The following SGCZ variants were observed in gnomAD, a reference collection of about 807,000 sequenced individuals.
SGCZ encodes sarcoglycan zeta, also known as zeta-sarcoglycan.
In SGCZ, 40 loss-of-function variants were observed where a neutral mutation model predicts 41.3. The observed-to-expected ratio is 0.97, with a 90% CI of 0.75 to 1.26. SGCZ has a LOEUF of 1.26. Among genes scored for constraint, SGCZ ranks in the 50% most tolerant of loss-of-function variants. SGCZ has a pLI of 0.00. For synonymous variants in SGCZ, 206 were observed against 137.5 expected (o/e 1.50, Z -3.49); for missense variants, 552 against 369.8 (o/e 1.49, Z -4.04).
rs186036758 is a variant in SGCZ at position 14,943,258 on chromosome 8, T to C, written c.39+294327A>G. 1.6e-4 allele frequency among the ~76,000 whole-genome samples: 24 copies of C among 152,276 alleles called. No homozygotes were observed. The East Asian group carries it at 3.3e-3, about 21-fold the overall frequency. On this transcript the variant is annotated intron_variant, in intron 1 of 7. Transcript: ENST00000382080. ...AACCAACATTCTGAAAATGCGGCTATATACTTCGAAAAAATAACAACATAA... is the reference window on the plus strand; with the variant it reads ...AACCAACATTCTGAAAATGCGGCTACATACTTCGAAAAAATAACAACATAA...
intron 1 of SGCZ, among the ~76,000 whole-genome samples, chr8:15,137,632 T>G (rs1189373854): frequency 2.0e-5 from 3 of 150,198 alleles, no homozygotes; most frequent in African/African-American, 7.4e-5. Flanking sequence ...AGTCCATGAC[T>G]TCAGAGGGTG....
chr8:15,119,062 A>T (rs1053524469), intron 1 of SGCZ, among the ~76,000 whole-genome samples: 2 of 152,204 alleles, frequency 1.3e-5, no homozygotes, highest in Non-Finnish European at 2.9e-5. Flanking sequence ...TTACAATTTG[A>T]TACTTTTTTC....
At chr8:14,121,096 G>C (rs1802682890) in intron 5 of SGCZ, among the ~76,000 whole-genome samples, 1 of 152,124 alleles carries the variant, frequency 6.6e-6, no homozygotes, top group East Asian at 1.9e-4. Context: ...TAACGGCTAA[G>C]AGAGTCCCCA....
chr8:15,031,055 A>G (rs1803641761), intron 1 of SGCZ, among the ~76,000 whole-genome samples: 1 of 152,116 alleles, frequency 6.6e-6, no homozygotes, highest in South Asian at 2.1e-4. Context: ...AGATTCTCAA[A>G]TCATATTTCG....
chr8:14,642,768 T>A (rs1435917553), intron 1 of SGCZ, among the ~76,000 whole-genome samples: 1 of 151,548 alleles, frequency 6.6e-6, no homozygotes, highest in Non-Finnish European at 1.5e-5. Context: ...AAATAAATAA[T>A]ATATATATCT....
chr8:14,888,143 T>C (rs1303294914), intron 1 of SGCZ, among the ~76,000 whole-genome samples: 1 of 152,136 alleles, frequency 6.6e-6, no homozygotes, highest in Non-Finnish European at 1.5e-5. Flanking sequence ...AAACTGAGCA[T>C]CACATACTTT....
chr8:15,186,614 G>C (rs1585652844), intron 1 of SGCZ, among the ~76,000 whole-genome samples: 1 of 152,080 alleles, frequency 6.6e-6, no homozygotes, highest in African/African-American at 2.4e-5. Context: ...TCAAAAGATG[G>C]CATTAAAATT....
rs577994572 is a variant in SGCZ at position 14,666,731 on chromosome 8, A to C, written c.40-111805T>G. ...TGAATTACAGTGTAAGTTTCTGAAA[A>C]ACATGACAACAAAACTAGGCCACAT... On this transcript the variant is annotated intron_variant, in intron 1 of 7. Transcript: ENST00000382080. Among the ~76,000 whole-genome samples, 5 of 152,028 alleles carry C rather than the reference A, an allele frequency of 3.3e-5. No individual in the cohort carries two copies. The South Asian group carries it at 1.0e-3, about 32-fold the overall frequency.
intron 1 of SGCZ, among the ~76,000 whole-genome samples, chr8:14,734,091 T>C (rs1045336049): frequency 6.6e-6 from 1 of 152,160 alleles, no homozygotes; most frequent in Non-Finnish European, 1.5e-5. Flanking sequence ...ACAGCAATCA[T>C]GGACGCTGTT....
At chr8:14,424,528 G>C (rs1012202735) in intron 2 of SGCZ, among the ~76,000 whole-genome samples, 4 of 152,076 alleles carry the variant, frequency 2.6e-5, no homozygotes, top group Non-Finnish European at 5.9e-5. Context: ...ATGTGTGTGT[G>C]TATATATCCC....
rs565238842 is a variant in SGCZ, at chr8:14,750,903, G to C, written c.40-195977C>G. On this transcript the variant is annotated intron_variant, in intron 1 of 7. Coordinates refer to ENST00000382080, the MANE Select transcript of SGCZ (RefSeq NM_139167.4). ...CAGTCTCTTTTGTATGAATAAAACA[G>C]ATTGTGACTAATTGAAAACGGTAGT... Among the ~76,000 whole-genome samples the C allele has an allele frequency of 9.9e-5, 15 of 152,260 alleles. No individual in the cohort carries two copies. In the South Asian group the frequency reaches 1.9e-3, roughly 19 times the overall value.
intron 5 of SGCZ, among the ~76,000 whole-genome samples, chr8:14,120,271 G>T (rs1013748175): frequency 2.0e-5 from 3 of 152,114 alleles, no homozygotes; most frequent in African/African-American, 7.2e-5. Context: ...AATATAGAAA[G>T]ATATTAGAAG....
intron 7 of SGCZ, among the ~76,000 whole-genome samples, chr8:14,102,032 A>G (rs1409965877): frequency 6.7e-6 from 1 of 149,854 alleles, no homozygotes; most frequent in Non-Finnish European, 1.5e-5. Flanking sequence ...TCAGCCTCCC[A>G]AGTAGCTGGG....
At chr8:15,203,892 C>G (rs920365639) in intron 1 of SGCZ, among the ~76,000 whole-genome samples, 1 of 152,098 alleles carries the variant, frequency 6.6e-6, no homozygotes, top group Non-Finnish European at 1.5e-5. Context: ...TTCATTTATT[C>G]TACTTTATGT....
intron 1 of SGCZ, among the ~76,000 whole-genome samples, chr8:15,203,785 G>C (rs1452219706): frequency 6.6e-6 from 1 of 152,012 alleles, no homozygotes; most frequent in Non-Finnish European, 1.5e-5. Context: ...TCCATCAAAG[G>C]AAATATCCAA....
chr8:14,220,727 C>T (rs1204604892), intron 4 of SGCZ, among the ~76,000 whole-genome samples: 3 of 151,996 alleles, frequency 2.0e-5, no homozygotes, highest in Non-Finnish European at 4.4e-5. Context: ...GCGGAGCTTG[C>T]AGTGAGCTGA....
At chr8:14,883,965 A>G (rs1486457605) in intron 1 of SGCZ, among the ~76,000 whole-genome samples, 1 of 152,070 alleles carries the variant, frequency 6.6e-6, no homozygotes, top group Non-Finnish European at 1.5e-5. Context: ...GTATCTCCTT[A>G]CTTATCATAT....
intron 1 of SGCZ, among the ~76,000 whole-genome samples, chr8:14,682,504 G>C (rs567860007): frequency 6.7e-6 from 1 of 149,122 alleles, no homozygotes; most frequent in African/African-American, 2.5e-5. Context: ...GTGCAATCAC[G>C]GCTCACTGCA....
In SGCZ at chr8:14,923,875, G is replaced by A. The variant is rs919027244; in HGVS notation, c.39+313710C>T. Among the ~76,000 whole-genome samples the A allele has an allele frequency of 3.3e-5, 5 of 152,180 alleles. No homozygotes were observed. The East Asian group carries it at 9.6e-4, about 29-fold the overall frequency. ...GTAGGGATCCATTGAGAACCCCAGA[G>A]TTGGTACGAAGATTATTTTGAATGC... On this transcript the variant is annotated intron_variant, in intron 1 of 7. Coordinates refer to ENST00000382080, the MANE Select transcript of SGCZ (RefSeq NM_139167.4).
Sources: allele counts gnomAD v4.1 joint callset (sites outside exome capture counted in the v4.1 genomes callset), GRCh38; gene constraint gnomAD v4.1.1; transcripts MANE v1.5; gene names NCBI Gene and HGNC (gene_info 2026-07-23, HGNC 2026-07-21).